PTDSS2: variants seen among roughly 807,000 people sequenced by gnomAD.
PTDSS2 encodes PSS-2.
PTDSS2 carries 41 observed loss-of-function variants against 64.7 expected under a neutral mutation model. That is an observed-to-expected ratio of 0.63 (90% CI 0.49 to 0.82). The LOEUF (loss-of-function observed/expected upper bound fraction) is 0.82. Ranked by LOEUF, PTDSS2 falls within the 40% of genes least tolerant of loss-of-function variation. PTDSS2 has a pLI of 0.00. For synonymous variants in PTDSS2, 297 were observed against 277.8 expected (o/e 1.07, Z -0.69); for missense variants, 485 against 650.0 (o/e 0.75, Z 2.76).
In PTDSS2 at chr11:479,040, A is replaced by G. The variant is rs1564984079; in HGVS notation, c.368-45A>G. 3.9e-6 allele frequency: 6 copies of G among 1,554,770 alleles called. No homozygotes were observed. The highest frequency in any genetic ancestry group is 5.3e-6 in the Non-Finnish European group (6 of 1,126,032). On this transcript the variant is annotated intron_variant, in intron 3 of 11. Transcript: ENST00000308020. This position sits in a 1 kb window ranked among gnomAD's most constrained non-coding sequence, Gnocchi z 4.2. ...GGCCTGGGGCTGAGCGGGGCCGTGG[A>G]GGCCTGGACCGGGCGCACTAACGTT...
Position 457,761 on chromosome 11 carries a change from G to C in PTDSS2, c.183-2426G>C, listed in dbSNP as rs116258092. Among the ~76,000 whole-genome samples, 134 of 152,362 alleles carry C rather than the reference G, an allele frequency of 8.8e-4. 1 individual carries two copies. Among genetic ancestry groups the C allele is most frequent in the African/African-American group, 3.1e-3 (130 of 41,588 alleles). On this transcript the variant is annotated intron_variant, in intron 1 of 11. Transcript: ENST00000308020. ...GGCCCACGTTTGGGAGTGTGTCTTTGACTGGACCTGTGTTTTCATCTGTCT... is the reference window on the plus strand; with the variant it reads ...GGCCCACGTTTGGGAGTGTGTCTTTCACTGGACCTGTGTTTTCATCTGTCT...
chr11:464,977 A>G (rs73385880), intron 2 of PTDSS2, among the ~76,000 whole-genome samples: 4,803 of 152,282 alleles, frequency 0.032, 258 homozygotes, highest in African/African-American at 0.11. Flanking sequence ...GCACCGAAAT[A>G]CCGAGCCCAG....
rs1368813553 is a variant in PTDSS2, at chr11:487,435, T to C, written c.586T>C (p.Phe196Leu). ...TCGCCCACAGGACAAGTTGGATGGC[T>C]TTGTTCCCGCGCACTTTCTTGGCTG... is the stretch of plus-strand genomic sequence containing the variant. ...FHNIWDKLDG[F>L]VPAHFLGWYL... The change falls in exon 6 of 12, where the codon TTT (phenylalanine) becomes CTT (leucine). Residue 196 changes from phenylalanine (F) to leucine (L), a missense_variant. Phe to Leu is a conservative substitution (Grantham distance 22). Around this residue, in one of 3 missense-constraint regions of PTDSS2, gnomAD observed 251 missense variants for 348.0 expected, o/e 0.72. Coordinates refer to ENST00000308020, the MANE Select transcript of PTDSS2 (RefSeq NM_030783.3). 6 of 1,613,990 alleles carry C rather than the reference T, an allele frequency of 3.7e-6. No homozygotes were observed. Among genetic ancestry groups the C allele is most frequent in the Non-Finnish European group, 5.1e-6 (6 of 1,179,994 alleles).
At chr11:474,051 C>G in intron 3 of PTDSS2, 74 bp downstream of exon 3, 1 of 1,264,022 alleles carries the variant, frequency 7.9e-7, no homozygotes, top group Non-Finnish European at 1.2e-6. Context: ...GTCTGTGCTG[C>G]TGGGTGTGAG....
At chr11:451,746 T>C (rs897722934) in intron 1 of PTDSS2, among the ~76,000 whole-genome samples, 1 of 152,102 alleles carries the variant, frequency 6.6e-6, no homozygotes, top group Non-Finnish European at 1.5e-5. Flanking sequence ...GGTCCTGGCC[T>C]GTCACCGCAG....
intron 6 of PTDSS2, among the ~76,000 whole-genome samples, chr11:487,978 CCGGGG>C (rs1329668722): frequency 7.9e-5 from 12 of 152,240 alleles, no homozygotes; most frequent in South Asian, 2.1e-4. Context: ...ATGCTGCCAG[CCGGGG>C]TGGGGGCTGC....
At chr11:472,563 C>G (rs904029451) in intron 2 of PTDSS2, among the ~76,000 whole-genome samples, 3 of 152,156 alleles carry the variant, frequency 2.0e-5, no homozygotes, top group African/African-American at 7.2e-5. Context: ...TGGAGAGCAG[C>G]ACCTGCCCAG....
intron 1 of PTDSS2, among the ~76,000 whole-genome samples, chr11:451,112 C>G (rs1846303840): frequency 6.6e-6 from 1 of 152,218 alleles, no homozygotes; most frequent in East Asian, 1.9e-4. Flanking sequence ...GCGCCCGACC[C>G]CACGTGGCGA....
chr11:475,172 AC>A (rs1847706229), intron 3 of PTDSS2, among the ~76,000 whole-genome samples: 1 of 119,264 alleles, frequency 8.4e-6, no homozygotes, highest in African/African-American at 3.2e-5. Flanking sequence ...CGTTTGTGAT[AC>A]GGACATATTC....
chr11:458,201 A>AT (rs1178943531), intron 1 of PTDSS2, among the ~76,000 whole-genome samples: 6 of 147,310 alleles, frequency 4.1e-5, no homozygotes, highest in East Asian at 2.0e-4. Flanking sequence ...GATAAAAAGT[A>AT]TTTTTTTTCT....
intron 2 of PTDSS2, among the ~76,000 whole-genome samples, chr11:468,391 A>C (rs1202183219): frequency 6.6e-6 from 1 of 152,222 alleles, no homozygotes; most frequent in East Asian, 1.9e-4. Flanking sequence ...TGGTTGGTAC[A>C]TGACACTGCG....
intron 1 of PTDSS2, among the ~76,000 whole-genome samples, chr11:454,802 G>A (rs986599330): frequency 3.9e-5 from 6 of 152,194 alleles, no homozygotes; most frequent in Non-Finnish European, 5.9e-5. Context: ...AAGAAAAAAA[G>A]AAGTCAAGTT....
In PTDSS2 at chr11:460,088, C is replaced by T. The variant is rs1846805269; in HGVS notation, c.183-99C>T. The stretch of plus-strand genomic sequence containing the variant: ...TGGGAGTTGGAGAGTGGAGTTTAAG[C>T]CCTCTCCTTGACGTAGAGAGGATTT... On this transcript the variant is annotated intron_variant, in intron 1 of 11. Transcript: ENST00000308020. The surrounding 1 kb of genome is among the most constrained non-coding windows in gnomAD (Gnocchi z 5.8). 2.2e-6 allele frequency: 2 copies of T among 901,234 alleles called. No homozygotes were observed. Among genetic ancestry groups the T allele is most frequent in the Admixed American group, 2.0e-5 (1 of 48,884 alleles). 55.8% of individuals were successfully genotyped at this position (901,234 alleles called of 1,614,324 possible). A position where few individuals can be genotyped will look rare whatever the true frequency, so the allele number is the denominator to read the frequency against.
At chr11:463,837 T>C (rs1286334038) in intron 2 of PTDSS2, 5 of 151,992 alleles carry the variant, frequency 3.3e-5, no homozygotes, top group East Asian at 3.9e-4. Context: ...TGAGCCACCA[T>C]GCCTGGCCAG....
At chr11:468,909 G>GGGA (rs201876538) in intron 2 of PTDSS2, among the ~76,000 whole-genome samples, 15 of 139,958 alleles carry the variant, frequency 1.1e-4, no homozygotes, top group Middle Eastern at 4.0e-3. Context: ...GGTAATCGGA[G>GGGA]GGAGGAGGGG....
chr11:465,753 A>ACC (rs55838661), intron 2 of PTDSS2, among the ~76,000 whole-genome samples: 7,095 of 138,392 alleles, frequency 0.051, 247 homozygotes, highest in African/African-American at 0.093. Context: ...AGTGAGGACC[A>ACC]CCCCCCCCCC....
chr11:479,969 A>G lies in PTDSS2; in HGVS notation c.435+817A>G, dbSNP rs1847994744. 6.6e-6 allele frequency among the ~76,000 whole-genome samples: 1 copy of G among 152,208 alleles called. No individual in the cohort carries two copies. Among genetic ancestry groups the G allele is most frequent in the Non-Finnish European group, 1.5e-5 (1 of 68,032 alleles). On this transcript the variant is annotated intron_variant, in intron 4 of 11. Coordinates refer to ENST00000308020, the MANE Select transcript of PTDSS2 (RefSeq NM_030783.3). The surrounding 1 kb of genome is among the most constrained non-coding windows in gnomAD (Gnocchi z 4.2). ...AATTGACTTTTCTGAGGCAGTGTAC[A>G]TTCTGTGAATTTTAGCATTTGTGTA... is the stretch of plus-strand genomic sequence containing the variant.
chr11:487,592 C>T, intron 6 of PTDSS2, 122 bp downstream of exon 6: 1 of 906,704 alleles, frequency 1.1e-6, no homozygotes, highest in Non-Finnish European at 1.8e-6. Context: ...GGGTGTCGCA[C>T]TGCAGCCACC....
intron 2 of PTDSS2, among the ~76,000 whole-genome samples, chr11:469,896 G>C (rs1183793971): frequency 1.3e-5 from 2 of 152,306 alleles, no homozygotes; most frequent in South Asian, 4.1e-4. Context: ...TTGCGTCCCA[G>C]TGAAAGAGCC....
Sources: allele counts gnomAD v4.1 joint callset (sites outside exome capture counted in the v4.1 genomes callset), GRCh38; gene constraint gnomAD v4.1.1; regional missense constraint gnomAD v4.1.1; non-coding constraint Gnocchi (gnomAD v3.1); transcripts MANE v1.5; gene names NCBI Gene and HGNC (gene_info 2026-07-23, HGNC 2026-07-21).